Variants in AHCY observed in about 807,000 individuals in gnomAD.
AHCY encodes the protein adenosylhomocysteinase.
Under a neutral mutation model 45.4 loss-of-function variants are expected in AHCY, and 24 were observed. The observed-to-expected ratio is 0.53, with a 90% CI of 0.38 to 0.74. AHCY has a LOEUF of 0.74. Among genes scored for constraint, AHCY ranks in the 30% least tolerant of loss-of-function variants. The pLI, the probability that AHCY is intolerant of heterozygous loss-of-function variation, is 0.00. For missense variants in AHCY, 449 were observed against 594.1 expected (o/e 0.76, Z 2.54); for synonymous variants, 245 against 235.1 (o/e 1.04, Z -0.39).
chr20:34,266,613 C>CA, the AHCY span, among the ~76,000 whole-genome samples: 10 of 152,126 alleles, frequency 6.6e-5, no homozygotes, highest in East Asian at 1.7e-3. Context: ...ATGAAGGTTG[C>CA]AGTGAGCCGA....
rs544378229 is a variant in AHCY, at chr20:34,284,216, G to C, written c.1167+1224C>G. On this transcript the variant is annotated intron_variant, in intron 9 of 9. Transcript: ENST00000217426. ...CACTCTGTCACCAGGCTGGAGTGCAGTGGCACAATCTCGTCTCACTGCAAC... is the reference window on the plus strand; with the variant it reads ...CACTCTGTCACCAGGCTGGAGTGCACTGGCACAATCTCGTCTCACTGCAAC... Among the ~76,000 whole-genome samples, 9 of 152,138 alleles carry C rather than the reference G, an allele frequency of 5.9e-5. No homozygotes were observed. The South Asian group carries it at 1.9e-3, about 32-fold the overall frequency.
the AHCY span, among the ~76,000 whole-genome samples, chr20:34,242,637 G>T: frequency 3.9e-5 from 6 of 152,334 alleles, no homozygotes; most frequent in Admixed American, 2.6e-4. Context: ...TTTCATAAAT[G>T]TCTGTCTCAA....
At chr20:34,264,530 A>G in the AHCY span, among the ~76,000 whole-genome samples, 1 of 152,218 alleles carries the variant, frequency 6.6e-6, no homozygotes, top group Non-Finnish European at 1.5e-5. Flanking sequence ...AAGTGTTCCC[A>G]AGAAGCAAAG....
downstream of AHCY, among the ~76,000 whole-genome samples, chr20:34,276,435 G>A (rs1323276861): frequency 6.6e-6 from 1 of 152,090 alleles, no homozygotes; most frequent in East Asian, 1.9e-4. Flanking sequence ...CACAGTGTGG[G>A]TGGATACTCT....
At chr20:34,235,914 G>GGAGGAGGGAGGGAAGAAT in the AHCY span, among the ~76,000 whole-genome samples, 1 of 127,624 alleles carries the variant, frequency 7.8e-6, no homozygotes, top group African/African-American at 3.8e-5. Context: ...AAGGAAGGAA[G>GGAGGAGGGAGGGAAGAAT]GAAGGAAGGA....
chr20:34,280,045 T>C (rs574575085), downstream of AHCY, among the ~76,000 whole-genome samples: 3 of 152,254 alleles, frequency 2.0e-5, no homozygotes, highest in Non-Finnish European at 2.9e-5. Flanking sequence ...TGAGCTGAGA[T>C]TGCATCACTG....
In AHCY at chr20:34,292,347, G is replaced by A. The variant is rs375253690; in HGVS notation, c.445+11C>T. 3.7e-5 allele frequency: 59 copies of A among 1,612,070 alleles called. No individual in the cohort carries two copies. Among genetic ancestry groups the A allele is most frequent in the Non-Finnish European group, 4.7e-5 (56 of 1,179,688 alleles). On this transcript the variant is annotated intron_variant, in intron 4 of 9. Coordinates refer to ENST00000217426, the MANE Select transcript of AHCY (RefSeq NM_000687.4). The stretch of plus-strand genomic sequence containing the variant: ...CACCAGCACCCAGCCCACCTGCCCC[G>A]CCCTGCTCACCTGGCAGAAGCTGCG...
chr20:34,295,526 G>A lies in AHCY; in HGVS notation c.88C>T (p.Pro30Ser), dbSNP rs1276848587. The A allele has an allele frequency of 2.5e-6, 4 of 1,613,986 alleles. No homozygotes were observed. The African/African-American group carries it at 4.0e-5, about 16-fold the overall frequency. ...CGCTCCCGCATACGCATCAGGCCCG[G>A]CATCTCGTTCTCAGCAATGTCCAGG... Reference protein sequence around the residue: ...KALDIAENEMPGLMRMRERYS... With the variant: ...KALDIAENEMSGLMRMRERYS... The change falls in exon 2 of 10, where the codon CCG becomes TCG. Residue 30 changes from proline to serine, a missense_variant. Transcript: ENST00000217426.
chr20:34,252,593 A>T, the AHCY span, among the ~76,000 whole-genome samples: 8 of 152,122 alleles, frequency 5.3e-5, no homozygotes, highest in Non-Finnish European at 1.0e-4. Context: ...GTACACTGAG[A>T]CATTCCATTC....
chr20:34,252,578 C>T, the AHCY span, among the ~76,000 whole-genome samples: 3 of 152,064 alleles, frequency 2.0e-5, no homozygotes, highest in Admixed American at 6.5e-5. Flanking sequence ...TGGGAATGGT[C>T]GGCTGTACAC....
chr20:34,273,675 G>C, the AHCY span, among the ~76,000 whole-genome samples: 3 of 152,196 alleles, frequency 2.0e-5, no homozygotes, highest in Non-Finnish European at 4.4e-5. Flanking sequence ...GGCAAGAAAA[G>C]AATTTAATTT....
the AHCY span, among the ~76,000 whole-genome samples, chr20:34,273,500 G>A: frequency 3.9e-5 from 6 of 152,274 alleles, no homozygotes; most frequent in African/African-American, 1.4e-4. Context: ...CAGAGTGCTG[G>A]GATAACAGGC....
At chr20:34,303,588 G>A (rs919233239), upstream of AHCY, among the ~76,000 whole-genome samples, 1 of 152,250 alleles carries the variant, frequency 6.6e-6, no homozygotes, top group African/African-American at 2.4e-5. Flanking sequence ...TCAGCCAGTT[G>A]ATTCAGTGTC....
At chr20:34,298,847 G>C (rs1428522485) in intron 1 of AHCY, among the ~76,000 whole-genome samples, 1 of 152,136 alleles carries the variant, frequency 6.6e-6, no homozygotes, top group East Asian at 1.9e-4. Context: ...AATAGTCCCT[G>C]ATATGCAGAA....
chr20:34,247,894 G>A, the AHCY span, among the ~76,000 whole-genome samples: 1 of 152,108 alleles, frequency 6.6e-6, no homozygotes, highest in Admixed American at 6.5e-5. Flanking sequence ...ATGGTGCCCT[G>A]TCTTGTATGA....
chr20:34,249,685 C>T, the AHCY span, among the ~76,000 whole-genome samples: 3 of 152,152 alleles, frequency 2.0e-5, no homozygotes, highest in Non-Finnish European at 4.4e-5. Context: ...TCAACTCTAA[C>T]ACTTCCCCCT....
chr20:34,295,565 A>T lies in AHCY; in HGVS notation c.49T>A (p.Trp17Arg). Residue 17 changes from tryptophan (W) to arginine (R), a missense_variant, in exon 2 of 10, where the codon TGG becomes AGG. By Grantham distance (101) the Trp-to-Arg change is moderately radical. Transcript: ENST00000217426. ...YKVADIGLAA[W>R]GRKALDIAEN... is the part of the protein sequence containing the mutation. ...GCAATGTCCAGGGCCTTGCGTCCCC[A>T]GGCAGCCAGGCCGATGTCGGCTACG... is the stretch of plus-strand genomic sequence containing the variant. The T allele has an allele frequency of 6.2e-7, 1 of 1,614,094 alleles. No individual in the cohort carries two copies. Among genetic ancestry groups the T allele is most frequent in the Non-Finnish European group, 8.5e-7 (1 of 1,180,014 alleles).
chr20:34,240,545 C>A, the AHCY span, among the ~76,000 whole-genome samples: 1 of 152,026 alleles, frequency 6.6e-6, no homozygotes, highest in Non-Finnish European at 1.5e-5. Flanking sequence ...ATTATGAGAC[C>A]AATATTCCTG....
the AHCY span, among the ~76,000 whole-genome samples, chr20:34,256,861 G>T: frequency 6.6e-6 from 1 of 151,924 alleles, no homozygotes; most frequent in African/African-American, 2.4e-5. Flanking sequence ...GCTCACTGTA[G>T]CCTCAACTTC....
Sources: gnomAD v4.1 joint callset for allele counts (sites outside exome capture counted in the v4.1 genomes callset) on GRCh38, gnomAD v4.1.1 for gene constraint, MANE v1.5 for transcripts, NCBI Gene and HGNC (gene_info 2026-07-23, HGNC 2026-07-21) for gene names.